BSPRY: variants seen among roughly 807,000 people sequenced by gnomAD.
BSPRY encodes the protein B box and SPRY domain-containing protein.
In BSPRY, 33 loss-of-function variants were observed where a neutral mutation model predicts 38.0. The ratio of observed to expected loss-of-function variants is 0.87; its 90% confidence interval spans 0.66 to 1.16. The LOEUF (loss-of-function observed/expected upper bound fraction) is 1.16. Ranked by LOEUF, BSPRY falls within the 50% of genes most tolerant of loss-of-function variation. The pLI is 0.00. For missense variants in BSPRY, 523 were observed against 533.2 expected, an observed-to-expected ratio of 0.98 and a Z score of 0.19; for synonymous variants, 224 against 228.5, an observed-to-expected ratio of 0.98 and a Z score of 0.18.
rs79636966 is a variant in BSPRY, at chr9:113,350,507, C to T, written c.201+727C>T. The stretch of plus-strand genomic sequence containing the variant: ...TTCCAGCTCGGCTCCAGGGTGGCCA[C>T]CTCCTTGTCATCACCATTCTCCTGA... On this transcript the variant is annotated intron_variant, in intron 1 of 5. Transcript: ENST00000374183. Among the ~76,000 whole-genome samples, 1,094 of 152,266 alleles carry T rather than the reference C, an allele frequency of 7.2e-3. 91 individuals carry two copies. In the East Asian group the frequency reaches 0.19, roughly 26 times the overall value.
At chr9:113,357,942 ATC>A (rs1564337189) in intron 2 of BSPRY, among the ~76,000 whole-genome samples, 1 of 74,138 alleles carries the variant, frequency 1.3e-5, no homozygotes, top group Middle Eastern at 8.1e-3. Context: ...ATATATATAT[ATC>A]TCTATTAAGC....
intron 4 of BSPRY, among the ~76,000 whole-genome samples, chr9:113,364,870 G>A (rs1834220941): frequency 6.6e-6 from 1 of 151,178 alleles, no homozygotes; most frequent in Non-Finnish European, 1.5e-5. Flanking sequence ...TGCCAATTGT[G>A]CAAAAGTTCT....
In BSPRY at chr9:113,354,237, C is replaced by T; in HGVS notation, c.202-3C>T. 6.2e-7 allele frequency: 1 copy of T among 1,613,454 alleles called. No individual in the cohort carries two copies. Among genetic ancestry groups the T allele is most frequent in the Non-Finnish European group, 8.5e-7 (1 of 1,179,464 alleles). ...GATGCCACAAGCGTTGTTTGTGTTG[C>T]AGAACAAGATTGTGGACCAGTGTGA... On this transcript the variant is annotated splice_polypyrimidine_tract_variant and splice_region_variant and intron_variant, in intron 1 of 5. Coordinates refer to ENST00000374183, the MANE Select transcript of BSPRY (RefSeq NM_017688.3).
At chr9:113,361,044 C>T (rs1299362728) in intron 3 of BSPRY, among the ~76,000 whole-genome samples, 1 of 152,134 alleles carries the variant, frequency 6.6e-6, no homozygotes, top group African/African-American at 2.4e-5. Context: ...CACCACCATC[C>T]CCTAGGTGAT....
chr9:113,370,216 C>T lies in BSPRY; in HGVS notation c.*74C>T. ...ATGTTTCTACTCAGTGTGCTTTTCC[C>T]AAATGATGTGTGTGGTGTTTCTAAG... On this transcript the variant is annotated 3_prime_UTR_variant, in exon 6 of 6. Coordinates refer to ENST00000374183, the MANE Select transcript of BSPRY (RefSeq NM_017688.3). The surrounding 1 kb of genome is among the most constrained non-coding windows in gnomAD (Gnocchi z 4.8). 1 of 1,476,082 alleles carries T rather than the reference C, an allele frequency of 6.8e-7. No individual in the cohort carries two copies. The highest frequency in any genetic ancestry group is 1.4e-5 in the African/African-American group (1 of 70,842). 91.4% of individuals were successfully genotyped at this position (1,476,082 alleles called of 1,614,324 possible).
chr9:113,360,095 G>C (rs1834123779), intron 2 of BSPRY, among the ~76,000 whole-genome samples: 1 of 152,142 alleles, frequency 6.6e-6, no homozygotes, highest in Non-Finnish European at 1.5e-5. Context: ...AATATCAACT[G>C]TACCACTGCT....
chr9:113,365,406 A>G (rs1271860147), intron 4 of BSPRY, among the ~76,000 whole-genome samples: 1 of 152,170 alleles, frequency 6.6e-6, no homozygotes, highest in Non-Finnish European at 1.5e-5. Flanking sequence ...TGTCACTGTT[A>G]TTACTAATTT....
intron 3 of BSPRY, 60 bp from the exon 4 acceptor site, chr9:113,362,309 A>T (rs1588066134): frequency 1.9e-6 from 3 of 1,593,220 alleles, no homozygotes; most frequent in East Asian, 4.5e-5. Context: ...AATCTGTCTT[A>T]GCATTGACTC....
intron 2 of BSPRY, among the ~76,000 whole-genome samples, chr9:113,359,740 GA>G (rs36078033): frequency 4.0e-5 from 6 of 150,178 alleles, no homozygotes; most frequent in African/African-American, 7.6e-5. Context: ...TACTAAGTCA[GA>G]AAAAATTTCC....
At position 113,371,201 on chromosome 9, in the gene BSPRY, A is replaced by G. The variant is rs1444413777; in HGVS notation, c.*1059A>G. The G allele has an allele frequency of 1.3e-5, 2 of 152,300 alleles. No individual in the cohort carries two copies. Among genetic ancestry groups the G allele is most frequent in the Admixed American group, 6.5e-5 (1 of 15,292 alleles). 9.4% of individuals were successfully genotyped at this position (152,300 alleles called of 1,614,324 possible). A position where few individuals can be genotyped will look rare whatever the true frequency, so the allele number is the denominator to read the frequency against. On this transcript the variant is annotated 3_prime_UTR_variant, in exon 6 of 6. Coordinates refer to ENST00000374183, the MANE Select transcript of BSPRY (RefSeq NM_017688.3). ...AGGGCCAACCTTAGGGCACGTGGGC[A>G]TTATTAAAGGTCTTAAAAGCATTGA... is the stretch of plus-strand genomic sequence containing the variant.
intron 1 of BSPRY, 109 bp downstream of exon 1, chr9:113,349,889 C>T: frequency 8.5e-7 from 1 of 1,177,948 alleles, no homozygotes; most frequent in Non-Finnish European, 1.1e-6. Flanking sequence ...CGACACCCGG[C>T]CCCGGAGCCT....
chr9:113,368,509 A>T, intron 5 of BSPRY, 126 bp downstream of exon 5: 1 of 1,327,818 alleles, frequency 7.5e-7, no homozygotes, highest in African/African-American at 1.5e-5. Flanking sequence ...GTCATGCTGG[A>T]TGCAGGCTGG....
At chr9:113,367,798 TTGGCCCAAGCACCTGTGTGGGGCC>T (rs1403368302) in intron 4 of BSPRY, among the ~76,000 whole-genome samples, 1 of 151,714 alleles carries the variant, frequency 6.6e-6, no homozygotes, top group Non-Finnish European at 1.5e-5. Context: ...ACCTTCCCTT[TTGGCCCAAGCACCTGTGTGGGGCC>T]TGGATGCCAC....
intron 4 of BSPRY, among the ~76,000 whole-genome samples, chr9:113,366,353 C>T (rs1834251683): frequency 6.6e-6 from 1 of 152,222 alleles, no homozygotes; most frequent in Non-Finnish European, 1.5e-5. Context: ...AGCGAATATA[C>T]TCTCAAAGTA....
Position 113,360,714 on chromosome 9 carries a change from C to T in BSPRY, c.508C>T (p.His170Tyr). Residue 170 changes from histidine to tyrosine, a missense_variant, in exon 3 of 6, where the codon CAC becomes TAC. Physicochemically the swap from His to Tyr is moderately conservative, Grantham distance 83. Transcript: ENST00000374183. ...IRTGLVGMLTHLDDLQLIQKE... is the reference protein window; with the variant it reads ...IRTGLVGMLTYLDDLQLIQKE... ...CACTGGCCTGGTGGGCATGCTTACT[C>T]ACCTGGATGACCTCCAGCTGATTGT... The T allele has an allele frequency of 6.3e-7, 1 of 1,595,704 alleles. No individual in the cohort carries two copies. The highest frequency in any genetic ancestry group is 1.1e-5 in the South Asian group (1 of 88,056).
intron 2 of BSPRY, among the ~76,000 whole-genome samples, chr9:113,356,243 G>A (rs1351098550): frequency 6.6e-6 from 1 of 152,174 alleles, no homozygotes; most frequent in Non-Finnish European, 1.5e-5. Context: ...AGTGGCTCAT[G>A]CCTGTAATCC....
chr9:113,365,699 A>G (rs7031690), intron 4 of BSPRY, among the ~76,000 whole-genome samples: 59,447 of 151,194 alleles, frequency 0.39, 13,603 homozygotes, highest in African/African-American at 0.64. Context: ...CTCACTCAGC[A>G]TATAGCAGAT....
At position 113,371,068 on chromosome 9, in the gene BSPRY, CT is replaced by C. The variant is rs3833463; in HGVS notation, c.*930del. On this transcript the variant is annotated 3_prime_UTR_variant, in exon 6 of 6. Transcript: ENST00000374183. ...GCCCACTGATAATAGCAGGGACGGC[CT>C]TTTCTCTTAGAGCAGCTGATAAGTT... The C allele has an allele frequency of 0.18, 27,643 of 152,144 alleles. 2,847 individuals carry two copies. The highest frequency in any genetic ancestry group is 0.25 in the South Asian group (1,229 of 4,824). The allele number at this position is 152,144 out of a possible 1,614,324, so 9.4% of individuals were successfully genotyped here. A position where few individuals can be genotyped will look rare whatever the true frequency, so the allele number is the denominator to read the frequency against.
At position 113,369,638 on chromosome 9, in the gene BSPRY, T is replaced by C; in HGVS notation, c.705T>C (p.Asp235=). ...SLSGTEDIRI[D]ERTVSPFLQL... ...CAGGCACAGAGGACATACGGATCGA[T>C]GAGAGGACAGTCAGCCCCTTCCTGC... Residue 235 remains aspartate (D), a synonymous_variant, in exon 6 of 6, where the codon GAT becomes GAC. Coordinates refer to ENST00000374183, the MANE Select transcript of BSPRY (RefSeq NM_017688.3). The C allele has an allele frequency of 6.2e-7, 1 of 1,613,588 alleles. No individual in the cohort carries two copies. The highest frequency in any genetic ancestry group is 1.7e-5 in the Admixed American group (1 of 59,994).
Sources: gnomAD v4.1 joint callset for allele counts (sites outside exome capture counted in the v4.1 genomes callset) on GRCh38, gnomAD v4.1.1 for gene constraint, Gnocchi (gnomAD v3.1) non-coding constraint, MANE v1.5 for transcripts, NCBI Gene and HGNC (gene_info 2026-07-23, HGNC 2026-07-21) for gene names.